NES: variants seen among roughly 807,000 people sequenced by gnomAD.
NES encodes nestin.
In NES, 27 loss-of-function variants were observed where a neutral mutation model predicts 35.6. The ratio of observed to expected loss-of-function variants is 0.76; its 90% confidence interval spans 0.56 to 1.04. The LOEUF is 1.04. Ranked by LOEUF, NES falls within the 50% of genes least tolerant of loss-of-function variation. NES has a pLI of 0.00. For missense variants in NES, 1,867 were observed against 1,983.6 expected (o/e 0.94, Z 1.12); for synonymous variants, 822 against 824.2 (o/e 1.00, Z 0.04).
At position 156,672,471 on chromosome 1, in the gene NES, G is replaced by C; in HGVS notation, c.1717C>G (p.Gln573Glu). The change falls in exon 4 of 4, where the codon CAA (glutamine) becomes GAA (glutamate). Residue 573 changes from glutamine (Q) to glutamate (E), a missense_variant. Coordinates refer to ENST00000368223, the MANE Select transcript of NES (RefSeq NM_006617.2). ...QSHETLERENQECPRSLEEDL... is the reference protein window; with the variant it reads ...QSHETLERENEECPRSLEEDL... ...TCTTCTAAAGACCTCGGACATTCTT[G>C]ATTCTCCCTTTCTAGTGTCTCATGG... 1 of 1,611,896 alleles carries C rather than the reference G, an allele frequency of 6.2e-7. No homozygotes were observed. The highest frequency in any genetic ancestry group is 8.5e-7 in the Non-Finnish European group (1 of 1,179,362).
At chr1:156,674,264 A>C (rs1203278923) in intron 2 of NES, among the ~76,000 whole-genome samples, 1 of 152,070 alleles carries the variant, frequency 6.6e-6, no homozygotes, top group Non-Finnish European at 1.5e-5. Context: ...AGCAGGGACC[A>C]ATCAATTCAA....
rs369708174 is a variant in NES, at chr1:156,669,890, C to T, written c.4298G>A (p.Gly1433Glu). ...AGACCCTGGCCCCCACCGCCCAGCCCCTGGCTCCCTCCCCTCCTCCTGATC... is the reference window on the plus strand; with the variant it reads ...AGACCCTGGCCCCCACCGCCCAGCCTCTGGCTCCCTCCCCTCCTCCTGATC... ...EEDQEEGREP[G>E]AGRWGPGSSV... is the part of the protein sequence containing the mutation. The change falls in exon 4 of 4, where the codon GGG becomes GAG. Residue 1433 changes from glycine (G) to glutamate (E), a missense_variant. Gly to Glu is a moderately conservative substitution (Grantham distance 98, BLOSUM62 -2). Transcript: ENST00000368223. The T allele has an allele frequency of 1.1e-5, 17 of 1,613,554 alleles. No individual in the cohort carries two copies. The African/African-American group carries it at 1.7e-4, about 16-fold the overall frequency.
chr1:156,671,296 T>C lies in NES; in HGVS notation c.2892A>G (p.Glu964=). ...TVEKDQELAQ[E]SPPGMAGVEN... Reference sequence around the variant, plus strand: ...CCACTCCAGCCATCCCAGGAGGGCTTTCCTGAGCCAGTTCTTGGTCCTTCT... The same window carrying C: ...CCACTCCAGCCATCCCAGGAGGGCTCTCCTGAGCCAGTTCTTGGTCCTTCT... Residue 964 remains glutamate (E), a synonymous_variant, in exon 4 of 4, where the codon GAA becomes GAG. Coordinates refer to ENST00000368223, the MANE Select transcript of NES (RefSeq NM_006617.2). The C allele has an allele frequency of 2.5e-6, 4 of 1,614,136 alleles. No individual in the cohort carries two copies. Among genetic ancestry groups the C allele is most frequent in the Non-Finnish European group, 3.4e-6 (4 of 1,180,014 alleles).
Position 156,671,753 on chromosome 1 carries a change from T to A in NES, c.2435A>T (p.Glu812Val), listed in dbSNP as rs1264489403. Residue 812 changes from glutamate (E) to valine (V), a missense_variant, in exon 4 of 4, where the codon GAA becomes GTA. Physicochemically the swap from Glu to Val is moderately radical, Grantham distance 121 (BLOSUM62 -2). Coordinates refer to ENST00000368223, the MANE Select transcript of NES (RefSeq NM_006617.2). ...AGATTTTACTGCCTCTACGCTCTCT[T>A]CTTTGAGTGACTTTAAGAACTCTTG... ...ENQEFLKSLKEESVEAVKSLE... is the reference protein window; with the variant it reads ...ENQEFLKSLKVESVEAVKSLE... 6 of 1,613,990 alleles carry A rather than the reference T, an allele frequency of 3.7e-6. No homozygotes were observed. Among genetic ancestry groups the A allele is most frequent in the East Asian group, 2.2e-5 (1 of 44,902 alleles).
In NES at chr1:156,670,196, C is replaced by T; in HGVS notation, c.3992G>A (p.Gly1331Asp). The T allele has an allele frequency of 1.2e-6, 2 of 1,614,082 alleles. No homozygotes were observed. Among genetic ancestry groups the T allele is most frequent in the Non-Finnish European group, 1.7e-6 (2 of 1,180,004 alleles). The change falls in exon 4 of 4, where the codon GGC becomes GAC. Residue 1331 changes from glycine to aspartate, a missense_variant. Coordinates refer to ENST00000368223, the MANE Select transcript of NES (RefSeq NM_006617.2). ...GGAAGCCAGGACAGCAGGATCCCAG[C>T]CCTCCTTTCCAGTCTCCCCTTGAGG... ...PPPQGETGKE[G>D]WDPAVLASEG... is the part of the protein sequence containing the mutation.
rs1237636926 is a variant in NES, at chr1:156,677,182, GC to G, written c.82del (p.Ala28ArgfsTer82). ...GAGCAGCTCATTCTGCTCCTCCAGC[GC>G]CTTGACCCGGGCCAGGTAGGCCTCC... ...RLEAYLARVK[A>X]LEEQNELLSA... On this transcript the variant is annotated frameshift_variant, in exon 1 of 4. Coordinates refer to ENST00000368223, the MANE Select transcript of NES (RefSeq NM_006617.2). LOFTEE classifies it high-confidence loss of function. The surrounding 1 kb of genome is among the most constrained non-coding windows in gnomAD (Gnocchi z 4.5). The G allele has an allele frequency of 1.6e-5, 26 of 1,612,438 alleles. No individual in the cohort carries two copies. The highest frequency in any genetic ancestry group is 2.2e-5 in the Non-Finnish European group (26 of 1,179,878).
Position 156,670,004 on chromosome 1 carries a change from T to C in NES, c.4184A>G (p.Gln1395Arg). Residue 1395 changes from glutamine to arginine, a missense_variant, in exon 4 of 4, where the codon CAG becomes CGG. Gln to Arg is a conservative substitution (Grantham distance 43). Coordinates refer to ENST00000368223, the MANE Select transcript of NES (RefSeq NM_006617.2). ...CCAGGCTGCAGGATCCAGTAGCAGC[T>C]GGGGCACCTGGCCCAGAGGTTCTGC... ...EVAEPLGQVPQLLLDPAAWDR... is the reference protein window; with the variant it reads ...EVAEPLGQVPRLLLDPAAWDR... 6.2e-7 allele frequency: 1 copy of C among 1,613,826 alleles called. No homozygotes were observed. Among genetic ancestry groups the C allele is most frequent in the East Asian group, 2.2e-5 (1 of 44,864 alleles).
At chr1:156,673,572 G>A in intron 2 of NES, 45 bp from the exon 3 acceptor site, 1 of 1,482,872 alleles carries the variant, frequency 6.7e-7, no homozygotes, top group Non-Finnish European at 9.3e-7. Flanking sequence ...CTGCCCCCAG[G>A]CCTGCAGGCA....
Position 156,675,255 on chromosome 1 carries a change from T to C in NES, c.869A>G (p.His290Arg). 2 of 1,613,638 alleles carry C rather than the reference T, an allele frequency of 1.2e-6. No homozygotes were observed. The change falls in exon 2 of 4, where the codon CAC becomes CGC. Residue 290 changes from histidine (H) to arginine (R), a missense_variant. Physicochemically the swap from His to Arg is conservative, Grantham distance 29. Coordinates refer to ENST00000368223, the MANE Select transcript of NES (RefSeq NM_006617.2). ...QVLEGRQQLA[H>R]LKMSLSLEVA... ...CTCCAGGCTGAGGGACATCTTGAGG[T>C]GCGCCAGCTGCTGCCGACCTTCCAG...
Position 156,673,071 on chromosome 1 carries a change from T to C in NES, c.1117A>G (p.Lys373Glu). 6.2e-7 allele frequency: 1 copy of C among 1,607,778 alleles called. No individual in the cohort carries two copies. The change falls in exon 4 of 4, where the codon AAG becomes GAG. Residue 373 changes from lysine to glutamate, a missense_variant. Lys to Glu is a moderately conservative substitution (Grantham distance 56). Coordinates refer to ENST00000368223, the MANE Select transcript of NES (RefSeq NM_006617.2). ...TLETPVPAFL[K>E]NQEFLQARTP... ...CGGGCCTGGAGGAATTCTTGGTTCT[T>C]AAGAAAGGCTGGCACAGGTGTCTCA...
chr1:156,674,620 T>C (rs1679802085), intron 2 of NES, among the ~76,000 whole-genome samples: 1 of 152,174 alleles, frequency 6.6e-6, no homozygotes, highest in South Asian at 2.1e-4. Context: ...AAGCCACCCC[T>C]CCTTGGTCTC....
Position 156,670,129 on chromosome 1 carries a change from C to T in NES, c.4059G>A (p.Glu1353=), listed in dbSNP as rs757584729. The change falls in exon 4 of 4, where the codon GAG becomes GAA. Residue 1353 remains glutamate, a synonymous_variant. Transcript: ENST00000368223. Reference sequence around the variant, plus strand: ...CACGGCCACACTCCTCTTCTCCCTCCTCCCCCTCCTCCTTTTCTGAGGGTG... The same window carrying T: ...CACGGCCACACTCCTCTTCTCCCTCTTCCCCCTCCTCCTTTTCTGAGGGTG... ...EAPPSEKEEG[E]EGEEECGRDS... is the part of the protein sequence containing the mutation. 2.5e-6 allele frequency: 4 copies of T among 1,614,038 alleles called. No individual in the cohort carries two copies. The East Asian group carries it at 8.9e-5, about 36-fold the overall frequency.
rs1171327440 is a variant in NES at position 156,673,542 on chromosome 1, G to C, written c.909-15C>G. 6.3e-7 allele frequency: 1 copy of C among 1,592,172 alleles called. No homozygotes were observed. The highest frequency in any genetic ancestry group is 1.1e-5 in the South Asian group (1 of 88,904). The stretch of plus-strand genomic sequence containing the variant: ...CCAGGAGGGTCCTGGAGAGGACAGA[G>C]GGAAAGTGGGGTCAGCCCTCTGCCC... On this transcript the variant is annotated splice_polypyrimidine_tract_variant and intron_variant, in intron 2 of 3. Coordinates refer to ENST00000368223, the MANE Select transcript of NES (RefSeq NM_006617.2).
chr1:156,672,096 C>T lies in NES; in HGVS notation c.2092G>A (p.Glu698Lys). 1 of 1,610,718 alleles carries T rather than the reference C, an allele frequency of 6.2e-7. No individual in the cohort carries two copies. Among genetic ancestry groups the T allele is most frequent in the African/African-American group, 1.3e-5 (1 of 74,586 alleles). ...ALRPLTKENQEPLRSLEDENK... is the reference protein window; with the variant it reads ...ALRPLTKENQKPLRSLEDENK... Reference sequence around the variant, plus strand: ...TCATCTTCAAGAGACCTCAGGGGTTCCTGATTCTCCTTTGTCAGAGGTCTC... The same window carrying T: ...TCATCTTCAAGAGACCTCAGGGGTTTCTGATTCTCCTTTGTCAGAGGTCTC... Residue 698 changes from glutamate to lysine, a missense_variant, in exon 4 of 4, where the codon GAA becomes AAA. By Grantham distance (56) the Glu-to-Lys change is moderately conservative. Coordinates refer to ENST00000368223, the MANE Select transcript of NES (RefSeq NM_006617.2).
intron 3 of NES, 120 bp downstream of exon 3, chr1:156,673,334 G>A: frequency 7.7e-7 from 1 of 1,306,556 alleles, no homozygotes; most frequent in South Asian, 1.4e-5. Flanking sequence ...CTGAGAGCAT[G>A]CTCACTGACA....
Position 156,673,047 on chromosome 1 carries a change from G to A in NES, c.1141C>T (p.Arg381Cys), listed in dbSNP as rs769570172. 12 of 1,609,720 alleles carry A rather than the reference G, an allele frequency of 7.5e-6. No homozygotes were observed. The highest frequency in any genetic ancestry group is 4.5e-5 in the East Asian group (2 of 44,744). ...GGGGTGCTGGCCAAGGTAGGGGTAC[G>A]GGCCTGGAGGAATTCTTGGTTCTTA... is the stretch of plus-strand genomic sequence containing the variant. ...FLKNQEFLQA[R>C]TPTLASTPIP... is the part of the protein sequence containing the mutation. Residue 381 changes from arginine to cysteine, a missense_variant, in exon 4 of 4, where the codon CGT (arginine) becomes TGT (cysteine). Coordinates refer to ENST00000368223, the MANE Select transcript of NES (RefSeq NM_006617.2).
rs773493515 is a variant in NES, at chr1:156,672,830, T to G, written c.1358A>C (p.Glu453Ala). Residue 453 changes from glutamate to alanine, a missense_variant, in exon 4 of 4, where the codon GAG (glutamate) becomes GCG (alanine). By Grantham distance (107) the Glu-to-Ala change is moderately radical. Transcript: ENST00000368223. ...GPEEPGGQRQ[E>A]ASTGQSPEDH... ...CTCTGGGGACTGGCCTGTACTGGCC[T>G]CTTGCCGCTGGCCCCCAGGCTCCTC... The G allele has an allele frequency of 1.2e-5, 20 of 1,613,796 alleles. No individual in the cohort carries two copies. In the African/African-American group the frequency reaches 2.3e-4, roughly 18 times the overall value.
chr1:156,672,252 A>G lies in NES; in HGVS notation c.1936T>C (p.Phe646Leu), dbSNP rs761829423. 1.9e-6 allele frequency: 3 copies of G among 1,598,560 alleles called. No homozygotes were observed. The highest frequency in any genetic ancestry group is 2.7e-5 in the African/African-American group (2 of 73,636). ...MKSLEGNLET[F>L]LFPGTENQEL... is the part of the protein sequence containing the mutation. ...TGATTTTCCGTTCCTGGAAATAAAA[A>G]TGTCTCTAGATTACCTTCAAGAGAT... Residue 646 changes from phenylalanine to leucine, a missense_variant, in exon 4 of 4, where the codon TTT becomes CTT. Physicochemically the swap from Phe to Leu is conservative, Grantham distance 22. Transcript: ENST00000368223.
At position 156,677,115 on chromosome 1, in the gene NES, G is replaced by T. The variant is rs769385047; in HGVS notation, c.150C>A (p.Thr50=). The change falls in exon 1 of 4, where the codon ACC becomes ACA. Residue 50 remains threonine, a synonymous_variant. Transcript: ENST00000368223. This position sits in a 1 kb window ranked among gnomAD's most constrained non-coding sequence, Gnocchi z 4.5. ...LGGLRAQSAD[T]SWRAHADDEL... ...CGTCGTCGGCATGCGCCCGCCAGGAGGTGTCCGCGGATTGTGCCCGGAGCC... is the reference window on the plus strand; with the variant it reads ...CGTCGTCGGCATGCGCCCGCCAGGATGTGTCCGCGGATTGTGCCCGGAGCC... 7 of 1,606,746 alleles carry T rather than the reference G, an allele frequency of 4.4e-6. No individual in the cohort carries two copies. Among genetic ancestry groups the T allele is most frequent in the Non-Finnish European group, 8.5e-7 (1 of 1,177,480 alleles).
Sources: allele counts gnomAD v4.1 joint callset (sites outside exome capture counted in the v4.1 genomes callset), GRCh38; gene constraint gnomAD v4.1.1; non-coding constraint Gnocchi (gnomAD v3.1); transcripts MANE v1.5; gene names NCBI Gene and HGNC (gene_info 2026-07-23, HGNC 2026-07-21).